The following SUCLG2 variants were observed in gnomAD, a reference collection of about 807,000 sequenced individuals.
SUCLG2 encodes the protein succinate-CoA ligase GDP-forming subunit beta, also known as succinate--CoA ligase [GDP-forming] subunit beta, mitochondrial.
SUCLG2 carries 42 observed loss-of-function variants against 47.9 expected under a neutral mutation model. The observed-to-expected ratio is 0.88, with a 90% confidence interval of 0.69 to 1.14. The LOEUF is 1.14. Ranked by LOEUF, SUCLG2 falls within the 50% of genes most tolerant of loss-of-function variation. The pLI is 0.00. For missense variants in SUCLG2, 571 were observed against 525.9 expected (o/e 1.09, Z -0.84); for synonymous variants, 195 against 197.3 (o/e 0.99, Z 0.10).
At chr3:67,423,165 C>T (rs1483802003) in intron 9 of SUCLG2, among the ~76,000 whole-genome samples, 3 of 151,992 alleles carry the variant, frequency 2.0e-5, no homozygotes, top group Non-Finnish European at 4.4e-5. Flanking sequence ...GGGGGCGGTT[C>T]CCCCATGCTG....
intron 10 of SUCLG2, among the ~76,000 whole-genome samples, chr3:67,387,470 C>T (rs1317860430): frequency 6.6e-6 from 1 of 152,154 alleles, no homozygotes; most frequent in Non-Finnish European, 1.5e-5. Flanking sequence ...CTACGATTGA[C>T]CCATTCTTTC....
chr3:67,495,938 T>C lies in SUCLG2; in HGVS notation c.922A>G (p.Asn308Asp), dbSNP rs1278947243. Residue 308 changes from asparagine to aspartate, a missense_variant and splice_region_variant, in exon 9 of 11, where the codon AAT (asparagine) becomes GAT (aspartate). Physicochemically the swap from Asn to Asp is conservative, Grantham distance 23 (BLOSUM62 1). Coordinates refer to ENST00000307227, the MANE Select transcript of SUCLG2 (RefSeq NM_003848.4). ...GLDGNIACFV[N>D]GAGLAMATCD... Reference sequence around the variant, plus strand: ...GTAGCCATGGCGAGCCCAGCACCATTCACTGTGAAATGCAAATGGGACACA... The same window carrying C: ...GTAGCCATGGCGAGCCCAGCACCATCCACTGTGAAATGCAAATGGGACACA... 6.2e-7 allele frequency: 1 copy of C among 1,613,858 alleles called. No homozygotes were observed. The highest frequency in any genetic ancestry group is 2.2e-5 in the East Asian group (1 of 44,834).
intron 2 of SUCLG2, among the ~76,000 whole-genome samples, chr3:67,582,694 T>G (rs544580841): frequency 9.8e-5 from 15 of 152,306 alleles, no homozygotes; most frequent in African/African-American, 3.4e-4. Flanking sequence ...ATCGCCAAAC[T>G]GTTTTCCACA....
chr3:67,522,667 T>TC (rs1706141162), intron 4 of SUCLG2, among the ~76,000 whole-genome samples: 1 of 150,340 alleles, frequency 6.7e-6, no homozygotes. Flanking sequence ...CTTTCTTTTT[T>TC]TTTTTTTTTT....
chr3:67,603,496 G>A (rs576817236), intron 2 of SUCLG2, among the ~76,000 whole-genome samples: 1 of 152,286 alleles, frequency 6.6e-6, no homozygotes, highest in South Asian at 2.1e-4. Context: ...ATAGCTGAAA[G>A]CAATCAAAAG....
At chr3:67,397,989 C>A (rs1297288751) in intron 10 of SUCLG2, among the ~76,000 whole-genome samples, 1 of 150,292 alleles carries the variant, frequency 6.7e-6, no homozygotes, top group East Asian at 2.0e-4. Context: ...AAAACTGGAT[C>A]CCTTCCTTAC....
chr3:67,454,921 C>T (rs1211267398), intron 9 of SUCLG2, among the ~76,000 whole-genome samples: 1 of 145,084 alleles, frequency 6.9e-6, no homozygotes, highest in African/African-American at 2.6e-5. Context: ...GAGATGGCGC[C>T]ACTGCACTCC....
chr3:67,638,470 C>A (rs552212767), intron 1 of SUCLG2, among the ~76,000 whole-genome samples: 14 of 152,198 alleles, frequency 9.2e-5, no homozygotes, highest in African/African-American at 3.1e-4. Flanking sequence ...GGGCAGCACA[C>A]AGCTGAATGC....
intron 7 of SUCLG2, among the ~76,000 whole-genome samples, chr3:67,498,590 G>C (rs890652055): frequency 1.2e-4 from 18 of 152,126 alleles, no homozygotes; most frequent in African/African-American, 4.1e-4. Context: ...GACTGGCACA[G>C]CTTCATAGAT....
At position 67,518,423 on chromosome 3, in the gene SUCLG2, G is replaced by A. The variant is rs1176726614; in HGVS notation, c.571-87C>T. 7 of 1,231,334 alleles carry A rather than the reference G, an allele frequency of 5.7e-6. No individual in the cohort carries two copies. In the African/African-American group the frequency reaches 1.1e-4, roughly 19 times the overall value. The allele number at this position is 1,231,334 out of a possible 1,614,324, so 76.3% of individuals were successfully genotyped here. On this transcript the variant is annotated intron_variant, in intron 5 of 10. Coordinates refer to ENST00000307227, the MANE Select transcript of SUCLG2 (RefSeq NM_003848.4). Reference sequence around the variant, plus strand: ...AAAAGAAAATGCTTAGTATTTATTTGCAAATGAGTAATTAAAGTGTGGCAT... The same window carrying A: ...AAAAGAAAATGCTTAGTATTTATTTACAAATGAGTAATTAAAGTGTGGCAT...
intron 10 of SUCLG2, among the ~76,000 whole-genome samples, chr3:67,397,265 T>C (rs1478605771): frequency 6.6e-6 from 1 of 152,216 alleles, no homozygotes; most frequent in Admixed American, 6.5e-5. Context: ...ACTGTATATC[T>C]AGAAAACCCC....
chr3:67,556,328 T>C (rs1707158811), intron 2 of SUCLG2, among the ~76,000 whole-genome samples: 1 of 152,128 alleles, frequency 6.6e-6, no homozygotes. Context: ...ATGCTGATGG[T>C]GTAGGAGAGT....
At chr3:67,451,332 G>T (rs1288475539) in intron 9 of SUCLG2, among the ~76,000 whole-genome samples, 1 of 152,156 alleles carries the variant, frequency 6.6e-6, no homozygotes. Context: ...ATCGATATTT[G>T]CAAGGTCAAA....
chr3:67,393,892 A>T (rs375991750), intron 10 of SUCLG2, among the ~76,000 whole-genome samples: 1 of 152,126 alleles, frequency 6.6e-6, no homozygotes, highest in Non-Finnish European at 1.5e-5. Flanking sequence ...AGCCACCGCC[A>T]CTGATACCCA....
chr3:67,421,709 A>C (rs1703162806), intron 9 of SUCLG2, among the ~76,000 whole-genome samples: 1 of 152,232 alleles, frequency 6.6e-6, no homozygotes, highest in South Asian at 2.1e-4. Context: ...AAAGGGGCTT[A>C]GCAACTCCAC....
chr3:67,620,581 T>G (rs1436737955), intron 1 of SUCLG2, among the ~76,000 whole-genome samples: 3 of 32,184 alleles, frequency 9.3e-5, no homozygotes, highest in African/African-American at 3.4e-4. Context: ...TGAGACTCCA[T>G]CTCAAAAAAA....
chr3:67,526,219 C>T (rs1706251757), intron 4 of SUCLG2, among the ~76,000 whole-genome samples: 1 of 152,148 alleles, frequency 6.6e-6, no homozygotes, highest in Non-Finnish European at 1.5e-5. Context: ...TTCCCTGGGC[C>T]ACAATGGCAT....
At chr3:67,437,601 G>T (rs1703654980) in intron 9 of SUCLG2, among the ~76,000 whole-genome samples, 1 of 151,702 alleles carries the variant, frequency 6.6e-6, no homozygotes. Flanking sequence ...TAACTTTTTT[G>T]GCTGTAGAGA....
chr3:67,404,388 T>C (rs1702755810), intron 9 of SUCLG2, among the ~76,000 whole-genome samples: 1 of 150,612 alleles, frequency 6.6e-6, no homozygotes, highest in African/African-American at 2.4e-5. Flanking sequence ...AGAGAAGGCA[T>C]GAGAGAACAC....
Sources: allele counts gnomAD v4.1 joint callset (sites outside exome capture counted in the v4.1 genomes callset), GRCh38; gene constraint gnomAD v4.1.1; transcripts MANE v1.5; gene names NCBI Gene and HGNC (gene_info 2026-07-23, HGNC 2026-07-21).